The following EPM2A variants were observed in gnomAD, a reference collection of about 807,000 sequenced individuals.
EPM2A encodes EPM2A glucan phosphatase, laforin, also known as laforin.
EPM2A carries 21 observed loss-of-function variants against 26.5 expected under a neutral mutation model. The observed-to-expected ratio is 0.79, with a 90% CI of 0.56 to 1.14. The LOEUF (loss-of-function observed/expected upper bound fraction) is 1.14. EPM2A is among the 50% of genes most tolerant of loss of function. The probability of loss-of-function intolerance (pLI) is 0.00; values close to 1 mark genes in which losing one functional copy is unlikely to be tolerated. For missense variants in EPM2A, 458 were observed against 440.8 expected (o/e 1.04, Z -0.35); for synonymous variants, 217 against 177.6 (o/e 1.22, Z -1.76).
chr6:145,400,843 T>A (rs928845781), intron 4 of EPM2A, among the ~76,000 whole-genome samples: 1 of 152,110 alleles, frequency 6.6e-6, no homozygotes, highest in Non-Finnish European at 1.5e-5. Context: ...TAATTTTTGG[T>A]TTCATCCGGG....
intron 1 of EPM2A, among the ~76,000 whole-genome samples, chr6:145,726,578 G>A (rs145498719): frequency 6.6e-6 from 1 of 152,246 alleles, no homozygotes. Context: ...AGTAAGTCAT[G>A]TTAATAGTAT....
At chr6:145,617,758 G>C in intron 2 of EPM2A, among the ~76,000 whole-genome samples, 1 of 152,092 alleles carries the variant, frequency 6.6e-6, no homozygotes, top group Admixed American at 6.5e-5. Flanking sequence ...GGGTGACATA[G>C]TGAGACCCCC....
In EPM2A at chr6:145,697,904, G is replaced by A. The variant is rs143518399; in HGVS notation, c.302-11608C>T. On this transcript the variant is annotated intron_variant, in intron 1 of 3. Coordinates refer to ENST00000367519, the MANE Select transcript of EPM2A (RefSeq NM_005670.4). ...CGCAATCATCACAGGGTCCTGAGGC[G>A]ACATACATCCTCCTCAGCTTACGAA... Among the ~76,000 whole-genome samples, 457 of 152,208 alleles carry A rather than the reference G, an allele frequency of 3.0e-3. 2 individuals carry two copies. The highest frequency in any genetic ancestry group is 0.01 in the African/African-American group (435 of 41,518).
At chr6:145,495,257 T>A (rs1779801956) in intron 4 of EPM2A, among the ~76,000 whole-genome samples, 1 of 152,186 alleles carries the variant, frequency 6.6e-6, no homozygotes, top group Admixed American at 6.5e-5. Context: ...TTTTTTATAA[T>A]CTTTGTTGAT....
chr6:145,612,399 G>C (rs559690209), intron 2 of EPM2A, among the ~76,000 whole-genome samples: 2 of 152,090 alleles, frequency 1.3e-5, no homozygotes, highest in African/African-American at 4.8e-5. Flanking sequence ...TTGCTGGTGG[G>C]AAGAAGAAAA....
intron 2 of EPM2A, among the ~76,000 whole-genome samples, chr6:145,652,070 A>G (rs1197688435): frequency 1.3e-5 from 2 of 152,154 alleles, no homozygotes; most frequent in Admixed American, 6.5e-5. Flanking sequence ...CTTATAAGAT[A>G]TTTTATTTTT....
intron 1 of EPM2A, among the ~76,000 whole-genome samples, chr6:145,732,236 T>TGTGTGCGC (rs374032616): frequency 6.0e-4 from 79 of 132,220 alleles, no homozygotes; most frequent in East Asian, 5.6e-3. Flanking sequence ...TGTGTGTGTG[T>TGTGTGCGC]GCGCGCCAAA....
At chr6:145,480,971 G>A (rs980638807) in intron 4 of EPM2A, among the ~76,000 whole-genome samples, 2 of 152,058 alleles carry the variant, frequency 1.3e-5, no homozygotes, top group African/African-American at 4.8e-5. Context: ...GGAGTTGCAT[G>A]GGCCAAAGAA....
intron 1 of EPM2A, among the ~76,000 whole-genome samples, chr6:145,698,058 T>C (rs1781709512): frequency 6.6e-6 from 1 of 152,146 alleles, no homozygotes; most frequent in Non-Finnish European, 1.5e-5. Context: ...GCATAAGAAA[T>C]TATAAAAGTA....
At chr6:145,696,453 G>A (rs1377020826) in intron 1 of EPM2A, among the ~76,000 whole-genome samples, 1 of 152,044 alleles carries the variant, frequency 6.6e-6, no homozygotes, top group Non-Finnish European at 1.5e-5. Context: ...TAAAATAAGT[G>A]AAGTGATATG....
intron 4 of EPM2A, among the ~76,000 whole-genome samples, chr6:145,403,522 G>A (rs1392654974): frequency 6.6e-6 from 1 of 151,866 alleles, no homozygotes; most frequent in East Asian, 1.9e-4. Context: ...ATCATGTGAT[G>A]TCTTTCTGTC....
chr6:145,668,978 T>C (rs750828069), intron 2 of EPM2A, among the ~76,000 whole-genome samples: 10 of 152,174 alleles, frequency 6.6e-5, no homozygotes, highest in Non-Finnish European at 1.3e-4. Flanking sequence ...TACGTGTGTG[T>C]ACATGCATGT....
At chr6:145,479,997 T>G (rs1779593962) in intron 4 of EPM2A, among the ~76,000 whole-genome samples, 1 of 152,038 alleles carries the variant, frequency 6.6e-6, no homozygotes, top group Non-Finnish European at 1.5e-5. Flanking sequence ...GATTTTCAAT[T>G]TCGTAATGAT....
chr6:145,705,358 T>G (rs73566113), intron 1 of EPM2A, among the ~76,000 whole-genome samples: 10,955 of 152,062 alleles, frequency 0.072, 1,312 homozygotes, highest in African/African-American at 0.24. Flanking sequence ...TAGATATATA[T>G]AGAGATAGAT....
intron 1 of EPM2A, among the ~76,000 whole-genome samples, chr6:145,732,384 G>C (rs1195454580): frequency 7.1e-6 from 1 of 140,546 alleles, no homozygotes; most frequent in Non-Finnish European, 1.5e-5. Context: ...ATATAAAACT[G>C]ATACATATAT....
intron 2 of EPM2A, among the ~76,000 whole-genome samples, chr6:145,565,763 T>C (rs1211953461): frequency 2.6e-5 from 4 of 152,264 alleles, no homozygotes; most frequent in African/African-American, 9.6e-5. Context: ...CTGGGATGAC[T>C]ATCCAACTTC....
At chr6:145,465,694 A>G (rs1345700587) in intron 4 of EPM2A, among the ~76,000 whole-genome samples, 1 of 151,764 alleles carries the variant, frequency 6.6e-6, no homozygotes, top group Non-Finnish European at 1.5e-5. Context: ...AACAGACAGG[A>G]CCCTCAGCTG....
At chr6:145,450,158 C>T (rs1582764773) in intron 4 of EPM2A, among the ~76,000 whole-genome samples, 1 of 151,588 alleles carries the variant, frequency 6.6e-6, no homozygotes, top group Non-Finnish European at 1.5e-5. Context: ...TCAAGACCAC[C>T]CTGGCTAACA....
chr6:145,522,927 C>T (rs1013085280), intron 2 of EPM2A, among the ~76,000 whole-genome samples: 1 of 152,132 alleles, frequency 6.6e-6, no homozygotes, highest in African/African-American at 2.4e-5. Flanking sequence ...CCACCTCCTT[C>T]ATCTGGCTAA....
Sources: allele counts gnomAD v4.1 joint callset (sites outside exome capture counted in the v4.1 genomes callset), GRCh38; gene constraint gnomAD v4.1.1; transcripts MANE v1.5; gene names NCBI Gene and HGNC (gene_info 2026-07-23, HGNC 2026-07-21).